Variants in FSD1 observed in about 807,000 individuals in gnomAD.
The protein encoded by FSD1 is fibronectin type III and SPRY domain containing 1, also known as fibronectin type III and SPRY domain-containing protein 1.
In FSD1, 23 loss-of-function variants were observed where a neutral mutation model predicts 58.2. The ratio of observed to expected loss-of-function variants is 0.40; its 90% CI spans 0.28 to 0.56. FSD1 has a LOEUF of 0.56. Ranked by LOEUF, FSD1 falls within the 20% of genes least tolerant of loss-of-function variation. The pLI, the probability that FSD1 is intolerant of heterozygous loss-of-function variation, is 0.54. For missense variants in FSD1, 563 were observed against 670.8 expected, an observed-to-expected ratio of 0.84 and a Z score of 1.78; for synonymous variants, 265 against 263.4, an observed-to-expected ratio of 1.01 and a Z score of -0.06.
chr19:4,311,811 C>G, intron 6 of FSD1, 31 bp from the exon 7 acceptor site: 2 of 1,608,708 alleles, frequency 1.2e-6, no homozygotes, highest in South Asian at 2.2e-5. Context: ...GGCACAGAAT[C>G]CCGACCCCCT....
At chr19:4,320,163 G>A (rs1971798337) in intron 10 of FSD1, among the ~76,000 whole-genome samples, 1 of 151,992 alleles carries the variant, frequency 6.6e-6, no homozygotes, top group Non-Finnish European at 1.5e-5. Flanking sequence ...GGAACTTCTG[G>A]CCTCAGCAGT....
At position 4,311,789 on chromosome 19, in the gene FSD1, C is replaced by T. The variant is rs552864188; in HGVS notation, c.491-53C>T. On this transcript the variant is annotated intron_variant, in intron 6 of 12. Coordinates refer to ENST00000221856, the MANE Select transcript of FSD1 (RefSeq NM_024333.3). ...GGGCAGCCCTGCAGCAAGCCCCCTG[C>T]CCCCTGAACCAGGCACAGAATCCCG... 5 of 1,554,364 alleles carry T rather than the reference C, an allele frequency of 3.2e-6. No homozygotes were observed. The African/African-American group carries it at 4.1e-5, about 13-fold the overall frequency.
chr19:4,305,889 C>T, intron 1 of FSD1, 57 bp from the exon 2 acceptor site: 22 of 1,292,732 alleles, frequency 1.7e-5, no homozygotes, highest in Non-Finnish European at 2.5e-5. Context: ...CGTGTGTGTA[C>T]CTGTGTGCGC....
chr19:4,308,224 A>G (rs1054827643), intron 4 of FSD1, among the ~76,000 whole-genome samples: 2 of 152,032 alleles, frequency 1.3e-5, no homozygotes, highest in African/African-American at 4.8e-5. Flanking sequence ...CCTGGCCAAC[A>G]CGGGGAAACC....
chr19:4,321,595 C>G (rs1971819249), intron 10 of FSD1, among the ~76,000 whole-genome samples: 1 of 145,210 alleles, frequency 6.9e-6, no homozygotes, highest in South Asian at 2.2e-4. Context: ...AGGAATGGCT[C>G]AAGCCAGAGA....
At position 4,315,670 on chromosome 19, in the gene FSD1, A is replaced by G. The variant is rs1220842235; in HGVS notation, c.701-1512A>G. ...CTGTCACCCAGGCTGGAGTGCAATG[A>G]TGCGATCTTTGGCTCACTGCAACTT... On this transcript the variant is annotated intron_variant, in intron 7 of 12. Coordinates refer to ENST00000221856, the MANE Select transcript of FSD1 (RefSeq NM_024333.3). 2.5e-5 allele frequency among the ~76,000 whole-genome samples: 3 copies of G among 119,924 alleles called. No individual in the cohort carries two copies. In the East Asian group the frequency reaches 8.1e-4, roughly 32 times the overall value. The allele number at this position is 119,924 out of a possible 152,430, so 78.7% of individuals were successfully genotyped here.
At chr19:4,317,348 C>A in intron 8 of FSD1, 68 bp downstream of exon 8, 1 of 977,368 alleles carries the variant, frequency 1.0e-6, no homozygotes, top group Non-Finnish European at 1.6e-6. Context: ...CCCCAGAGAC[C>A]ATGAGAATCC....
chr19:4,315,067 T>G (rs1245689405), intron 7 of FSD1, among the ~76,000 whole-genome samples: 3 of 152,178 alleles, frequency 2.0e-5, no homozygotes, highest in South Asian at 2.1e-4. Flanking sequence ...ACCTACTGTT[T>G]TGTTGATTGC....
At chr19:4,321,339 TG>T (rs1971815535) in intron 10 of FSD1, among the ~76,000 whole-genome samples, 2 of 108,586 alleles carry the variant, frequency 1.8e-5, no homozygotes, top group African/African-American at 3.9e-5. Context: ...GAGGAGTATC[TG>T]GAGGGGAATA....
intron 3 of FSD1, among the ~76,000 whole-genome samples, chr19:4,307,393 G>A (rs560955785): frequency 6.6e-6 from 1 of 150,650 alleles, no homozygotes; most frequent in African/African-American, 2.4e-5. Context: ...TTTTTGAGAT[G>A]GAGTCTCTCT....
chr19:4,305,052 G>A (rs1184018110), intron 1 of FSD1, among the ~76,000 whole-genome samples: 1 of 86,890 alleles, frequency 1.2e-5, no homozygotes, highest in East Asian at 3.9e-4. Context: ...CCTCCTGGCC[G>A]CGGACCAGGC....
At chr19:4,319,938 C>T (rs768317204) in intron 10 of FSD1, among the ~76,000 whole-genome samples, 1 of 152,060 alleles carries the variant, frequency 6.6e-6, no homozygotes, top group East Asian at 1.9e-4. Flanking sequence ...GGAATAGCTG[C>T]ATTGGGTGAA....
rs4807578 is a variant in FSD1, at chr19:4,306,314, T to C, written c.228T>C (p.Arg76=). 0.63 allele frequency: 1,019,809 copies of C among 1,613,210 alleles called. 324,838 individuals carry two copies. Among genetic ancestry groups the C allele is most frequent in the South Asian group, 0.71 (64,283 of 91,054 alleles). Reference sequence around the variant, plus strand: ...AGATAAAACAGGACCGTGCCAGCCGTACCTACGAGCTGCAGGTGAGGGCTG... The same window carrying C: ...AGATAAAACAGGACCGTGCCAGCCGCACCTACGAGCTGCAGGTGAGGGCTG... ...LMKIKQDRAS[R]TYELQNQLAA... is the part of the protein sequence containing the mutation. Residue 76 remains arginine, a synonymous_variant, in exon 3 of 13, where the codon CGT becomes CGC. Transcript: ENST00000221856.
intron 7 of FSD1, among the ~76,000 whole-genome samples, chr19:4,312,529 C>A (rs560756222): frequency 6.6e-6 from 1 of 150,630 alleles, no homozygotes; most frequent in Non-Finnish European, 1.5e-5. Flanking sequence ...ATAGGCCGGG[C>A]GCGGTAGCTC....
chr19:4,323,366 A>G lies in FSD1; in HGVS notation c.1310A>G (p.Asn437Ser). ...ACCCCAGGCCTCCTGTCCTTCTACAATGCCCGCACCAAACAAGTGCTGCAC... is the reference window on the plus strand; with the variant it reads ...ACCCCAGGCCTCCTGTCCTTCTACAGTGCCCGCACCAAACAAGTGCTGCAC... ...DFHQGLLSFY[N>S]ARTKQVLHTF... The change falls in exon 12 of 13, where the codon AAT becomes AGT. Residue 437 changes from asparagine to serine, a missense_variant. Physicochemically the swap from Asn to Ser is conservative, Grantham distance 46. Coordinates refer to ENST00000221856, the MANE Select transcript of FSD1 (RefSeq NM_024333.3). The surrounding 1 kb of genome is among the most constrained non-coding windows in gnomAD (Gnocchi z 7.7). 1 of 1,613,514 alleles carries G rather than the reference A, an allele frequency of 6.2e-7. No individual in the cohort carries two copies. Among genetic ancestry groups the G allele is most frequent in the African/African-American group, 1.3e-5 (1 of 74,924 alleles).
chr19:4,318,271 C>T lies in FSD1; in HGVS notation c.800-75C>T, dbSNP rs1443345015. 12 of 1,596,682 alleles carry T rather than the reference C, an allele frequency of 7.5e-6. No individual in the cohort carries two copies. The East Asian group carries it at 8.9e-5, about 12-fold the overall frequency. Reference sequence around the variant, plus strand: ...CCTGTCTTGGTCTGTCTTGGTCACTCTCTGTCTCTCTGTCTCTCTCTGTGT... The same window carrying T: ...CCTGTCTTGGTCTGTCTTGGTCACTTTCTGTCTCTCTGTCTCTCTCTGTGT... On this transcript the variant is annotated intron_variant, in intron 8 of 12. Transcript: ENST00000221856.
At chr19:4,314,432 T>C (rs1331008935) in intron 7 of FSD1, among the ~76,000 whole-genome samples, 3 of 151,582 alleles carry the variant, frequency 2.0e-5, no homozygotes, top group African/African-American at 4.8e-5. Flanking sequence ...TGAGGACCCA[T>C]GTAGTCAGCA....
intron 3 of FSD1, 90 bp from the exon 4 acceptor site, chr19:4,307,792 T>C: frequency 1.1e-6 from 1 of 892,022 alleles, no homozygotes; most frequent in Non-Finnish European, 1.7e-6. Flanking sequence ...AAGGGCATGG[T>C]ACCCTGGATT....
At chr19:4,322,286 G>C (rs1971828506) in intron 10 of FSD1, among the ~76,000 whole-genome samples, 1 of 142,276 alleles carries the variant, frequency 7.0e-6, no homozygotes, top group Admixed American at 7.2e-5. Context: ...GGGGGGAATA[G>C]CTGGGATCCT....
Sources: allele counts gnomAD v4.1 joint callset (sites outside exome capture counted in the v4.1 genomes callset), GRCh38; gene constraint gnomAD v4.1.1; non-coding constraint Gnocchi (gnomAD v3.1); transcripts MANE v1.5; gene names NCBI Gene and HGNC (gene_info 2026-07-23, HGNC 2026-07-21).